The following DDC variants were observed in gnomAD, a reference collection of about 807,000 sequenced individuals.
DDC encodes dopa decarboxylase.
A neutral mutation model predicts 60.0 loss-of-function variants in DDC; 43 were observed. The observed-to-expected ratio is 0.72, with a 90% CI of 0.56 to 0.92. DDC has a LOEUF of 0.92. Among genes scored for constraint, DDC ranks in the 40% least tolerant of loss-of-function variants. DDC has a pLI of 0.00. For synonymous variants in DDC, 232 were observed against 234.6 expected, an observed-to-expected ratio of 0.99 and a Z score of 0.10; for missense variants, 573 against 620.2, an observed-to-expected ratio of 0.92 and a Z score of 0.81.
At chr7:50,460,477 C>T (rs1053223177) in intron 14 of DDC, among the ~76,000 whole-genome samples, 3 of 151,474 alleles carry the variant, frequency 2.0e-5, no homozygotes, top group East Asian at 3.9e-4. Flanking sequence ...AGGTGAGGGG[C>T]GCCTCTGCCC....
At position 50,510,777 on chromosome 7, in the gene DDC, C is replaced by G. The variant is rs529305147; in HGVS notation, c.715-6718G>C. Among the ~76,000 whole-genome samples the G allele has an allele frequency of 3.6e-3, 545 of 151,280 alleles. 3 individuals are homozygous for G. The highest frequency in any genetic ancestry group is 0.017 in the Middle Eastern group (5 of 292). The stretch of plus-strand genomic sequence containing the variant: ...CGGGCGGATCACGAGGTCAGGAGAT[C>G]GAGACCATCCTGGCTAACACGGTAA... On this transcript the variant is annotated intron_variant, in intron 6 of 14. Transcript: ENST00000444124.
intron 7 of DDC, among the ~76,000 whole-genome samples, chr7:50,502,813 C>T (rs573630188): frequency 3.9e-4 from 59 of 152,316 alleles, no homozygotes; most frequent in Admixed American, 2.9e-3. Context: ...TCTGAATAAT[C>T]GTGTGGGGAA....
At chr7:50,489,624 G>A (rs2042957987) in intron 9 of DDC, among the ~76,000 whole-genome samples, 1 of 152,046 alleles carries the variant, frequency 6.6e-6, no homozygotes, top group African/African-American at 2.4e-5. Context: ...AGAGACACAG[G>A]GCCAGAAATT....
intron 10 of DDC, 62 bp from the exon 11 acceptor site, chr7:50,476,705 T>C: frequency 1.4e-6 from 2 of 1,444,892 alleles, no homozygotes; most frequent in South Asian, 2.3e-5. Context: ...GATCACACGC[T>C]AATCCTTTTC....
chr7:50,562,860 A>G (rs1412597970), intron 1 of DDC, among the ~76,000 whole-genome samples: 2 of 152,200 alleles, frequency 1.3e-5, no homozygotes, highest in African/African-American at 2.4e-5. Flanking sequence ...TGAGTTATTC[A>G]GTAGCTATTA....
At chr7:50,522,797 T>G (rs1433829137) in intron 6 of DDC, among the ~76,000 whole-genome samples, 1 of 152,168 alleles carries the variant, frequency 6.6e-6, no homozygotes, top group Non-Finnish European at 1.5e-5. Flanking sequence ...GAACTATTGG[T>G]TCATAGTTCC....
At chr7:50,549,222 T>C (rs1189192976) in intron 1 of DDC, among the ~76,000 whole-genome samples, 1 of 152,196 alleles carries the variant, frequency 6.6e-6, no homozygotes, top group Admixed American at 6.5e-5. Context: ...GATCAAAGAG[T>C]AATTTAGACT....
chr7:50,546,928 T>C (rs1331434819), intron 1 of DDC, among the ~76,000 whole-genome samples: 1 of 152,254 alleles, frequency 6.6e-6, no homozygotes, highest in African/African-American at 2.4e-5. Flanking sequence ...AGGAGTGTCC[T>C]GTTCACCAGC....
rs2044722637 is a variant in DDC, at chr7:50,544,018, C to T, written c.68G>A (p.Gly23Asp). 9.9e-6 allele frequency: 16 copies of T among 1,614,194 alleles called. No homozygotes were observed. The highest frequency in any genetic ancestry group is 1.3e-5 in the Non-Finnish European group (15 of 1,180,016). Reference protein sequence around the residue: ...MVDYMANYMEGIEGRQVYPDV... With the variant: ...MVDYMANYMEDIEGRQVYPDV... ...AGGGTAGACCTGGCGTCCCTCAATG[C>T]CTTCCATGTAGTTGGCCATGTAATC... Residue 23 changes from glycine to aspartate, a missense_variant, in exon 2 of 15, where the codon GGC (glycine) becomes GAC (aspartate). Coordinates refer to ENST00000444124, the MANE Select transcript of DDC (RefSeq NM_001082971.2).
At chr7:50,463,802 C>T (rs906189564) in intron 13 of DDC, among the ~76,000 whole-genome samples, 9 of 152,164 alleles carry the variant, frequency 5.9e-5, no homozygotes, top group Admixed American at 2.6e-4. Context: ...TAAATTCTCA[C>T]GGAAACATAG....
At position 50,529,250 on chromosome 7, in the gene DDC, C is replaced by T. The variant is rs748086068; in HGVS notation, c.528G>A (p.Gln176=). ...CCACCAGCTTCTCCATGATAGCGGCCTGTGTGAGCTCTGGGGACGCTGCCT... is the reference window on the plus strand; with the variant it reads ...CCACCAGCTTCTCCATGATAGCGGCTTGTGTGAGCTCTGGGGACGCTGCCT... The part of the protein sequence containing the change: ...RLQAASPELT[Q]AAIMEKLVAY... The change falls in exon 5 of 15, where the codon CAG becomes CAA. Residue 176 remains glutamine, a synonymous_variant. Coordinates refer to ENST00000444124, the MANE Select transcript of DDC (RefSeq NM_001082971.2). The T allele has an allele frequency of 6.2e-7, 1 of 1,613,952 alleles. No individual in the cohort carries two copies. Among genetic ancestry groups the T allele is most frequent in the East Asian group, 2.2e-5 (1 of 44,876 alleles).
chr7:50,466,446 C>T (rs11575530), intron 13 of DDC, among the ~76,000 whole-genome samples: 6 of 146,638 alleles, frequency 4.1e-5, no homozygotes, highest in African/African-American at 1.5e-4. Context: ...GATTACACCA[C>T]TGCACTCCAG....
intron 3 of DDC, among the ~76,000 whole-genome samples, chr7:50,539,447 C>T (rs1439165260): frequency 6.6e-6 from 1 of 152,128 alleles, no homozygotes; most frequent in African/African-American, 2.4e-5. Flanking sequence ...GGCCCTTTTC[C>T]AGAGACCCCC....
rs188275726 is a variant in DDC at position 50,507,522 on chromosome 7, A to C, written c.715-3463T>G. 2.1e-3 allele frequency among the ~76,000 whole-genome samples: 320 copies of C among 152,316 alleles called. 1 individual carries two copies. The highest frequency in any genetic ancestry group is 7.4e-3 in the African/African-American group (306 of 41,580). ...GTTGGGATTACTGGGGAGAGCCACC[A>C]TGCCCAGCCAATAACTTCTATTATT... is the stretch of plus-strand genomic sequence containing the variant. On this transcript the variant is annotated intron_variant, in intron 6 of 14. Transcript: ENST00000444124.
chr7:50,493,113 C>T (rs1318716498), intron 9 of DDC: 1 of 896,220 alleles, frequency 1.1e-6, no homozygotes, highest in Non-Finnish European at 1.8e-6. Flanking sequence ...CTTCAGTTTC[C>T]TCATCTGTAA....
intron 6 of DDC, among the ~76,000 whole-genome samples, chr7:50,522,261 A>T (rs1023552440): frequency 6.6e-6 from 1 of 152,190 alleles, no homozygotes; most frequent in Non-Finnish European, 1.5e-5. Context: ...AATGAAGAAA[A>T]TTTTTTAAAA....
intron 9 of DDC, 65 bp from the exon 10 acceptor site, chr7:50,479,928 TC>T: frequency 7.7e-7 from 1 of 1,303,846 alleles, no homozygotes; most frequent in Non-Finnish European, 1.1e-6. Context: ...ACCTCTCCCC[TC>T]TCCCCACCTG....
At chr7:50,503,198 G>C (rs1421333970) in intron 7 of DDC, among the ~76,000 whole-genome samples, 1 of 152,242 alleles carries the variant, frequency 6.6e-6, no homozygotes, top group East Asian at 1.9e-4. Context: ...GGCCCCACTT[G>C]GGCAGCTCCA....
intron 14 of DDC, among the ~76,000 whole-genome samples, chr7:50,459,142 G>A (rs1413159271): frequency 6.6e-6 from 1 of 152,236 alleles, no homozygotes; most frequent in Non-Finnish European, 1.5e-5. Context: ...TTTTTTTGGT[G>A]GAGACGGGGT....
Sources: gnomAD v4.1 joint callset for allele counts (sites outside exome capture counted in the v4.1 genomes callset) on GRCh38, gnomAD v4.1.1 for gene constraint, MANE v1.5 for transcripts, NCBI Gene and HGNC (gene_info 2026-07-23, HGNC 2026-07-21) for gene names.